The following DIS3L2 variants were observed in gnomAD, a reference collection of about 807,000 sequenced individuals.
DIS3L2 encodes DIS3-like exonuclease 2.
Under a neutral mutation model 97.5 loss-of-function variants are expected in DIS3L2, and 34 were observed. The ratio of observed to expected loss-of-function variants is 0.35; its 90% CI spans 0.27 to 0.46. The LOEUF (loss-of-function observed/expected upper bound fraction) is 0.46, where lower values mean the gene tolerates loss of function less well. Ranked by LOEUF, DIS3L2 falls within the 20% of genes least tolerant of loss-of-function variation. The pLI, the probability that DIS3L2 is intolerant of heterozygous loss-of-function variation, is 1.00. For missense variants in DIS3L2, 1,038 were observed against 1,146.0 expected (o/e 0.91, Z 1.36); for synonymous variants, 435 against 445.2 (o/e 0.98, Z 0.29).
In DIS3L2 at chr2:232,130,641, G is replaced by A. The variant is rs773100809; in HGVS notation, c.624G>A (p.Pro208=). The A allele has an allele frequency of 1.4e-5, 23 of 1,612,334 alleles. No homozygotes were observed. Among genetic ancestry groups the A allele is most frequent in the East Asian group, 4.5e-5 (2 of 44,798 alleles). The change falls in exon 7 of 21, where the codon CCG becomes CCA. Residue 208 remains proline, a synonymous_variant. Coordinates refer to ENST00000325385, the MANE Select transcript of DIS3L2 (RefSeq NM_152383.5). The stretch of plus-strand genomic sequence containing the variant: ...TAGGAAGAGAGGATGGTGATGCACC[G>A]GTTACAAAAGATGAGACCACCTGCA... ...SEKGREDGDA[P]VTKDETTCIS...
intron 1 of DIS3L2, among the ~76,000 whole-genome samples, chr2:231,980,173 T>C (rs1341928111): frequency 6.6e-6 from 1 of 152,196 alleles, no homozygotes; most frequent in African/African-American, 2.4e-5. Context: ...TTCTATTAGA[T>C]CTTAAAAATT....
chr2:232,143,277 G>A (rs1690118634), intron 8 of DIS3L2, among the ~76,000 whole-genome samples: 2 of 152,014 alleles, frequency 1.3e-5, no homozygotes. Flanking sequence ...TGTTTCCCAA[G>A]GCCCCCACCT....
chr2:232,234,346 ATT>A (rs1239581044), intron 10 of DIS3L2, among the ~76,000 whole-genome samples: 3 of 152,130 alleles, frequency 2.0e-5, no homozygotes, highest in African/African-American at 7.2e-5. Context: ...CTGTATTATT[ATT>A]GTTATTATTT....
At chr2:232,232,546 A>T (rs749607606) in intron 10 of DIS3L2, among the ~76,000 whole-genome samples, 24 of 152,172 alleles carry the variant, frequency 1.6e-4, no homozygotes, top group Non-Finnish European at 2.8e-4. Context: ...CAGGCCTGAG[A>T]AAGTCCCAGG....
At chr2:231,981,598 T>TTATATATATATATATATA (rs10669283) in intron 1 of DIS3L2, among the ~76,000 whole-genome samples, 7 of 84,054 alleles carry the variant, frequency 8.3e-5, no homozygotes, top group East Asian at 4.7e-4. Context: ...GTTAAGTATT[T>TTATATATATATATATATA]TATATATATA....
At chr2:232,331,990 G>A (rs566780972) in intron 16 of DIS3L2, 12 of 152,620 alleles carry the variant, frequency 7.9e-5, no homozygotes, top group African/African-American at 2.6e-4. Flanking sequence ...GGCAGCAGCA[G>A]AGAGCACAGA....
At chr2:232,155,625 A>G (rs906302230) in intron 8 of DIS3L2, among the ~76,000 whole-genome samples, 1 of 152,134 alleles carries the variant, frequency 6.6e-6, no homozygotes, top group Non-Finnish European at 1.5e-5. Context: ...ATCTTGGAAA[A>G]TGTTTTCTTT....
intron 13 of DIS3L2, among the ~76,000 whole-genome samples, chr2:232,285,638 A>G (rs1694407553): frequency 6.6e-6 from 1 of 152,186 alleles, no homozygotes; most frequent in South Asian, 2.1e-4. Flanking sequence ...TTAGAGCCGT[A>G]TGGGTTTGAG....
At chr2:232,239,489 A>G (rs1189883640) in intron 11 of DIS3L2, among the ~76,000 whole-genome samples, 1 of 152,088 alleles carries the variant, frequency 6.6e-6, no homozygotes, top group African/African-American at 2.4e-5. Flanking sequence ...TCCTCTGCTC[A>G]TTTGCTCATC....
At chr2:232,329,788 C>CCGGGGGGCA in intron 14 of DIS3L2, 25 bp from the exon 15 acceptor site, 1 of 1,080,634 alleles carries the variant, frequency 9.3e-7, no homozygotes, top group Non-Finnish European at 1.3e-6. Context: ...CCAGCGGTCC[C>CCGGGGGGCA]TCCCATCCCA....
At chr2:232,329,785 T>TGCCGGGGGGGGG in intron 14 of DIS3L2, 28 bp from the exon 15 acceptor site, 276 of 967,022 alleles carry the variant, frequency 2.9e-4, no homozygotes, top group Non-Finnish European at 3.5e-4. Context: ...ACCCCAGCGG[T>TGCCGGGGGGGGG]CCCTCCCATC....
intron 1 of DIS3L2, among the ~76,000 whole-genome samples, chr2:231,993,868 G>A (rs934853625): frequency 9.2e-5 from 14 of 151,596 alleles, no homozygotes; most frequent in Admixed American, 3.3e-4. Context: ...TCAATGACAG[G>A]TTCTAGAAAT....
chr2:232,223,499 C>T (rs952793793), intron 10 of DIS3L2, among the ~76,000 whole-genome samples: 4 of 152,154 alleles, frequency 2.6e-5, no homozygotes, highest in Non-Finnish European at 5.9e-5. Context: ...CCTATTGTTG[C>T]GTAAACACAA....
chr2:232,315,500 A>G (rs11681585), intron 14 of DIS3L2, among the ~76,000 whole-genome samples: 35,111 of 151,408 alleles, frequency 0.23, 5,518 homozygotes, highest in East Asian at 0.48. Flanking sequence ...TGGCTGTGCT[A>G]TCTGTGGGGT....
intron 8 of DIS3L2, among the ~76,000 whole-genome samples, chr2:232,157,143 GTCAGGGTTCTTGTAGTC>G (rs978240219): frequency 6.6e-6 from 1 of 152,112 alleles, no homozygotes; most frequent in African/African-American, 2.4e-5. Flanking sequence ...TTTAATATCA[GTCAGGGTTCTTGTAGTC>G]TCAGATTCCA....
chr2:232,122,674 C>T (rs886729743), intron 6 of DIS3L2, among the ~76,000 whole-genome samples: 91 of 152,272 alleles, frequency 6.0e-4, no homozygotes, highest in African/African-American at 2.0e-3. Flanking sequence ...GCTGAGATTG[C>T]ACCCTTGCAC....
Position 232,336,532 on chromosome 2 carries a change from A to G in DIS3L2, c.2560A>G (p.Ser854Gly), listed in dbSNP as rs774490217. The G allele has an allele frequency of 4.3e-6, 7 of 1,610,574 alleles. No homozygotes were observed. The African/African-American group carries it at 5.3e-5, about 12-fold the overall frequency. Residue 854 changes from serine to glycine, a missense_variant, in exon 21 of 21, where the codon AGC becomes GGC. Physicochemically the swap from Ser to Gly is moderately conservative, Grantham distance 56. Around this residue, in one of 3 missense-constraint regions of DIS3L2, gnomAD observed 221 missense variants for 246.9 expected, o/e 0.90. Transcript: ENST00000325385. ...GGCAGAGTCCACAGCCCTCAAGTAC[A>G]GCGCCATCCTGAAGCGGCCAGGCAC... ...LQAESTALKY[S>G]AILKRPGTQG...
At chr2:232,202,353 G>A (rs1390110849) in intron 9 of DIS3L2, among the ~76,000 whole-genome samples, 1 of 152,148 alleles carries the variant, frequency 6.6e-6, no homozygotes, top group Non-Finnish European at 1.5e-5. Flanking sequence ...AGCAGAGATT[G>A]CGCCACTGCA....
intron 8 of DIS3L2, among the ~76,000 whole-genome samples, chr2:232,143,503 T>C (rs1415668134): frequency 6.6e-6 from 1 of 152,202 alleles, no homozygotes; most frequent in African/African-American, 2.4e-5. Flanking sequence ...CAAACATTTC[T>C]AAATTTTATT....
Sources: allele counts gnomAD v4.1 joint callset (sites outside exome capture counted in the v4.1 genomes callset), GRCh38; gene constraint gnomAD v4.1.1; regional missense constraint gnomAD v4.1.1; transcripts MANE v1.5; gene names NCBI Gene and HGNC (gene_info 2026-07-23, HGNC 2026-07-21).